Variants in MAP3K1 observed in about 807,000 individuals in gnomAD.
MAP3K1 encodes mitogen-activated protein kinase kinase kinase 1, also known as MAP/ERK kinase kinase 1.
A neutral mutation model predicts 144.2 loss-of-function variants in MAP3K1; 36 were observed. That is an observed-to-expected ratio of 0.25 (90% CI 0.19 to 0.33). The LOEUF is 0.33. Ranked by LOEUF, MAP3K1 falls within the 10% of genes least tolerant of loss-of-function variation. The pLI, the probability that MAP3K1 is intolerant of heterozygous loss-of-function variation, is 1.00. For synonymous variants in MAP3K1, 718 were observed against 688.7 expected (o/e 1.04, Z -0.67); for missense variants, 1,650 against 1,881.9 (o/e 0.88, Z 2.28).
intron 3 of MAP3K1, among the ~76,000 whole-genome samples, chr5:56,864,315 C>A (rs552175251): frequency 1.3e-5 from 2 of 151,532 alleles, no homozygotes; most frequent in Admixed American, 6.6e-5. Context: ...TTAAATCTGA[C>A]ATTTTTTCAG....
In MAP3K1 at chr5:56,875,150, G is replaced by T. The variant is rs1267780281; in HGVS notation, c.1805G>T (p.Ser602Ile). 2 of 1,614,194 alleles carry T rather than the reference G, an allele frequency of 1.2e-6. No individual in the cohort carries two copies. Among genetic ancestry groups the T allele is most frequent in the Admixed American group, 1.7e-5 (1 of 60,026 alleles). The change falls in exon 10 of 20, where the codon AGC (serine) becomes ATC (isoleucine). Residue 602 changes from serine (S) to isoleucine (I), a missense_variant. Around this residue, in one of 6 missense-constraint regions of MAP3K1, gnomAD observed 841 missense variants for 886.5 expected, o/e 0.95. Transcript: ENST00000399503. Reference protein sequence around the residue: ...SGALLLANGESTGNSGGSSGS... With the variant: ...SGALLLANGEITGNSGGSSGS... ...GCCCTGCTGTTGGCAAATGGGGAGA[G>T]CACTGGAAATTCTGGGGGCAGCAGT...
At chr5:56,852,744 G>A (rs532486075) in intron 1 of MAP3K1, among the ~76,000 whole-genome samples, 154 of 152,074 alleles carry the variant, frequency 1.0e-3, no homozygotes, top group Admixed American at 2.4e-3. Flanking sequence ...ATAACTCCCC[G>A]AAACATTCAC....
intron 2 of MAP3K1, among the ~76,000 whole-genome samples, chr5:56,857,945 G>A (rs1412332819): frequency 6.6e-6 from 1 of 152,084 alleles, no homozygotes; most frequent in Non-Finnish European, 1.5e-5. Flanking sequence ...GTTATTATGG[G>A]CCCGTGAGTC....
At chr5:56,854,795 G>C (rs832564) in intron 1 of MAP3K1, among the ~76,000 whole-genome samples, 75,269 of 152,028 alleles carry the variant, frequency 0.5, 21,138 homozygotes, top group Non-Finnish European at 0.65. Flanking sequence ...GCTAGGACCA[G>C]AGGAAAGACT....
At position 56,815,570 on chromosome 5, in the gene MAP3K1, GA is replaced by G. The variant is rs1438650093; in HGVS notation, c.1del. 3.8e-6 allele frequency: 5 copies of G among 1,304,976 alleles called. No individual in the cohort carries two copies. Among genetic ancestry groups the G allele is most frequent in the South Asian group, 2.2e-5 (1 of 45,938 alleles). The allele number at this position is 1,304,976 out of a possible 1,614,324, so 80.8% of individuals were successfully genotyped here. A position where few individuals can be genotyped will look rare whatever the true frequency, so the allele number is the denominator to read the frequency against. ...GGCCGAGCGAATGTAGCCCGCGAGA[GA>G]AAATGGCGGCGGCGGCGGGGAATCG... On this transcript the variant is annotated 5_prime_UTR_variant, in exon 1 of 20. Transcript: ENST00000399503.
At chr5:56,873,787 C>A (rs906318987) in intron 9 of MAP3K1, among the ~76,000 whole-genome samples, 1 of 152,100 alleles carries the variant, frequency 6.6e-6, no homozygotes, top group Non-Finnish European at 1.5e-5. Context: ...TCTTTTGTGA[C>A]CATTACAGTC....
At chr5:56,864,982 C>T in intron 4 of MAP3K1, 48 bp downstream of exon 4, 12 of 1,514,220 alleles carry the variant, frequency 7.9e-6, no homozygotes, top group South Asian at 1.1e-5. Flanking sequence ...GTATATGGTA[C>T]TACCTCAAAT....
rs1358838959 is a variant in MAP3K1 at position 56,868,190 on chromosome 5, G to A, written c.1301+2213G>A. On this transcript the variant is annotated intron_variant, in intron 6 of 19. Transcript: ENST00000399503. The stretch of plus-strand genomic sequence containing the variant: ...TTATATCCTGAAAATAGCCAAAGAC[G>A]ATATATAAATGAACGGGATGGCTAT... Among the ~76,000 whole-genome samples the A allele has an allele frequency of 2.6e-5, 4 of 152,062 alleles. No homozygotes were observed. In the East Asian group the frequency reaches 5.8e-4, roughly 22 times the overall value.
intron 1 of MAP3K1, among the ~76,000 whole-genome samples, chr5:56,824,812 A>T (rs180788143): frequency 6.6e-6 from 1 of 152,144 alleles, no homozygotes; most frequent in African/African-American, 2.4e-5. Context: ...TGTCTTATCT[A>T]TTATCTGTGT....
At chr5:56,879,429 T>G (rs2111933805) in intron 11 of MAP3K1, among the ~76,000 whole-genome samples, 1 of 152,316 alleles carries the variant, frequency 6.6e-6, no homozygotes, top group South Asian at 2.1e-4. Flanking sequence ...TAATCTCATA[T>G]TAGAGTATGG....
intron 1 of MAP3K1, among the ~76,000 whole-genome samples, chr5:56,828,118 G>A (rs1466542140): frequency 6.6e-6 from 1 of 152,174 alleles, no homozygotes; most frequent in Non-Finnish European, 1.5e-5. Flanking sequence ...CCCCAAGGTT[G>A]CTGTGCTACT....
At chr5:56,831,158 C>G (rs1417007033) in intron 1 of MAP3K1, among the ~76,000 whole-genome samples, 1 of 149,398 alleles carries the variant, frequency 6.7e-6, no homozygotes, top group Non-Finnish European at 1.5e-5. Context: ...TTTTTTTTAA[C>G]CCGTGAAAAT....
intron 1 of MAP3K1, 98 bp downstream of exon 1, chr5:56,816,153 G>T (rs1286280007): frequency 1.8e-6 from 2 of 1,115,532 alleles, no homozygotes; most frequent in African/African-American, 3.3e-5. Flanking sequence ...GGGGTTCAGC[G>T]CAGCGAGGCT....
At chr5:56,863,360 T>TAA (rs770153750) in intron 3 of MAP3K1, among the ~76,000 whole-genome samples, 83 of 152,254 alleles carry the variant, frequency 5.5e-4, no homozygotes, top group Non-Finnish European at 1.1e-3. Flanking sequence ...TCTATATATA[T>TAA]AATTTGCCTA....
At chr5:56,855,958 T>C (rs1040214824) in intron 1 of MAP3K1, among the ~76,000 whole-genome samples, 2 of 152,208 alleles carry the variant, frequency 1.3e-5, no homozygotes, top group Non-Finnish European at 2.9e-5. Context: ...TAGAGTTAAT[T>C]CTCAAACGTT....
chr5:56,853,409 A>G (rs573470706), intron 1 of MAP3K1, among the ~76,000 whole-genome samples: 3 of 152,350 alleles, frequency 2.0e-5, no homozygotes, highest in African/African-American at 7.2e-5. Context: ...GTTAATAAGA[A>G]TAGTCATTAA....
intron 19 of MAP3K1, among the ~76,000 whole-genome samples, chr5:56,889,410 C>T (rs559212960): frequency 5.9e-5 from 9 of 152,284 alleles, no homozygotes; most frequent in South Asian, 2.1e-4. Flanking sequence ...CTCAAGCCCA[C>T]CTCAGCCTCC....
intron 16 of MAP3K1, among the ~76,000 whole-genome samples, chr5:56,885,212 G>T (rs1748344508): frequency 6.6e-6 from 1 of 152,140 alleles, no homozygotes; most frequent in Non-Finnish European, 1.5e-5. Context: ...AAGTAAACTA[G>T]CACTGAAGCA....
In MAP3K1 at chr5:56,895,216, CAGTT is replaced by C. The variant is rs1226854132; in HGVS notation, c.*1537_*1540del. On this transcript the variant is annotated 3_prime_UTR_variant, in exon 20 of 20. Coordinates refer to ENST00000399503, the MANE Select transcript of MAP3K1 (RefSeq NM_005921.2). ...TATATTGCTTACAATTTTTAAAAGG[CAGTT>C]TGTTTTTTATGTGAATATGTTTCTT... 8.6e-6 allele frequency: 2 copies of C among 231,782 alleles called. No homozygotes were observed. Among genetic ancestry groups the C allele is most frequent in the African/African-American group, 2.2e-5 (1 of 45,218 alleles). 14.4% of individuals were successfully genotyped at this position (231,782 alleles called of 1,614,324 possible).
Sources: gnomAD v4.1 joint callset for allele counts (sites outside exome capture counted in the v4.1 genomes callset) on GRCh38, gnomAD v4.1.1 for gene constraint, gnomAD v4.1.1 regional missense constraint, MANE v1.5 for transcripts, NCBI Gene and HGNC (gene_info 2026-07-23, HGNC 2026-07-21) for gene names.